Variants in TTLL9 observed in about 807,000 individuals in gnomAD.
TTLL9 encodes the protein tubulin tyrosine ligase like 9, also known as probable tubulin polyglutamylase TTLL9.
TTLL9 carries 47 observed loss-of-function variants against 65.6 expected under a neutral mutation model. The observed-to-expected ratio is 0.72, with a 90% confidence interval of 0.57 to 0.91. TTLL9 has a LOEUF of 0.91. TTLL9 is among the 40% of genes least tolerant of loss of function. The pLI, the probability that TTLL9 is intolerant of heterozygous loss-of-function variation, is 0.00. For missense variants in TTLL9, 537 were observed against 568.8 expected (o/e 0.94, Z 0.57); for synonymous variants, 179 against 204.8 (o/e 0.87, Z 1.07).
chr20:31,874,108 C>A (rs1429741878), intron 2 of TTLL9, among the ~76,000 whole-genome samples: 1 of 152,206 alleles, frequency 6.6e-6, no homozygotes, highest in African/African-American at 2.4e-5. Flanking sequence ...GTTATTAGAC[C>A]TAACATATTT....
chr20:31,910,338 C>T (rs1310768114), intron 6 of TTLL9, among the ~76,000 whole-genome samples: 1 of 152,226 alleles, frequency 6.6e-6, no homozygotes, highest in Non-Finnish European at 1.5e-5. Context: ...CAGGCACAGA[C>T]CTAGGTGCTG....
chr20:31,895,516 C>G (rs909277498), intron 3 of TTLL9, among the ~76,000 whole-genome samples: 1 of 152,200 alleles, frequency 6.6e-6, no homozygotes, highest in Non-Finnish European at 1.5e-5. Context: ...CATGACCTTT[C>G]CTGGCTCTGT....
chr20:31,921,766 T>C (rs921863761), intron 7 of TTLL9, among the ~76,000 whole-genome samples: 2 of 151,770 alleles, frequency 1.3e-5, no homozygotes, highest in Non-Finnish European at 2.9e-5. Context: ...AGGTGGGAAT[T>C]GAACAATGAG....
chr20:31,913,134 T>TG (rs11419872), intron 6 of TTLL9, among the ~76,000 whole-genome samples: 100,899 of 151,904 alleles, frequency 0.66, 34,223 homozygotes, highest in African/African-American at 0.79. Flanking sequence ...TACTCCAGCC[T>TG]GGTGACAGAG....
chr20:31,934,843 T>C lies in TTLL9; in HGVS notation c.959T>C (p.Phe320Ser). ...QKVIISDKHC[F>S]ELYGYDILID... Reference sequence around the variant, plus strand: ...GTGATCATCAGTGACAAGCACTGCTTCGAGCTGTACGGCTATGACATCCTC... The same window carrying C: ...GTGATCATCAGTGACAAGCACTGCTCCGAGCTGTACGGCTATGACATCCTC... Residue 320 changes from phenylalanine to serine, a missense_variant, in exon 12 of 15, where the codon TTC becomes TCC. Phe to Ser is a radical substitution (Grantham distance 155). This residue lies in a region of TTLL9 where 205 missense variants were observed against 225.9 expected (regional missense o/e 0.91). Transcript: ENST00000535842. The C allele has an allele frequency of 6.2e-7, 1 of 1,614,046 alleles. No homozygotes were observed. The highest frequency in any genetic ancestry group is 8.5e-7 in the Non-Finnish European group (1 of 1,180,000).
At position 31,943,142 on chromosome 20, in the gene TTLL9, T is replaced by C. The variant is rs1600639872; in HGVS notation, c.*121T>C. 15 of 941,414 alleles carry C rather than the reference T, an allele frequency of 1.6e-5. No individual in the cohort carries two copies. In the East Asian group the frequency reaches 3.7e-4, roughly 23 times the overall value. The allele number at this position is 941,414 out of a possible 1,614,324, so 58.3% of individuals were successfully genotyped here. The stretch of plus-strand genomic sequence containing the variant: ...CCCCACCTCCAGCCTGGCACCAGCT[T>C]TGCTGGCTTAGCAGCTGCAGCTTAC... On this transcript the variant is annotated 3_prime_UTR_variant, in exon 15 of 15. Transcript: ENST00000535842.
chr20:31,927,490 A>AAAAAAAAAAAAAAAAAAAAAAAG (rs2063927197), intron 10 of TTLL9, among the ~76,000 whole-genome samples: 1 of 151,300 alleles, frequency 6.6e-6, no homozygotes, highest in Non-Finnish European at 1.5e-5. Flanking sequence ...CAAAAAAAAA[A>AAAAAAAAAAAAAAAAAAAAAAAG]AAAAAAAAAA....
intron 10 of TTLL9, among the ~76,000 whole-genome samples, chr20:31,928,823 G>A (rs2063954846): frequency 6.6e-6 from 1 of 152,336 alleles, no homozygotes; most frequent in Non-Finnish European, 1.5e-5. Flanking sequence ...CTTTAAGGAA[G>A]AATGTTTATG....
At chr20:31,939,303 G>A (rs2064168991) in intron 14 of TTLL9, 37 bp downstream of exon 14, 1 of 1,609,994 alleles carries the variant, frequency 6.2e-7, no homozygotes, top group African/African-American at 1.3e-5. Context: ...CACAAGGGAT[G>A]GGGTCATGGG....
At chr20:31,913,782 T>C (rs963577916) in intron 6 of TTLL9, among the ~76,000 whole-genome samples, 1 of 152,218 alleles carries the variant, frequency 6.6e-6, no homozygotes, top group Non-Finnish European at 1.5e-5. Flanking sequence ...AAAAGTCCAG[T>C]GTAAACATTG....
At chr20:31,915,846 C>G (rs1355672707) in intron 6 of TTLL9, among the ~76,000 whole-genome samples, 2 of 151,956 alleles carry the variant, frequency 1.3e-5, no homozygotes, top group Non-Finnish European at 2.9e-5. Context: ...GCTGGTATTG[C>G]CATTGTTATG....
intron 12 of TTLL9, among the ~76,000 whole-genome samples, chr20:31,935,767 C>T (rs916715013): frequency 6.6e-6 from 1 of 152,230 alleles, no homozygotes; most frequent in Non-Finnish European, 1.5e-5. Flanking sequence ...GCCCTGGGGC[C>T]TGGGTAGTCA....
chr20:31,933,919 G>A (rs2064061991), intron 11 of TTLL9, 61 bp downstream of exon 11: 26 of 1,530,572 alleles, frequency 1.7e-5, no homozygotes, highest in Non-Finnish European at 2.2e-5. Flanking sequence ...TCGGGGTGGG[G>A]AGGGTGGAGT....
chr20:31,929,729 A>C (rs1406703977), intron 10 of TTLL9, among the ~76,000 whole-genome samples: 1 of 152,192 alleles, frequency 6.6e-6, no homozygotes, highest in Non-Finnish European at 1.5e-5. Flanking sequence ...ATATTTCTTC[A>C]TAAACCTTTT....
At chr20:31,873,842 AAGAAAGAAAG>A (rs1300329272) in intron 2 of TTLL9, among the ~76,000 whole-genome samples, 14 of 139,330 alleles carry the variant, frequency 1.0e-4, no homozygotes, top group African/African-American at 3.9e-4. Context: ...GAAAGAAAGA[AAGAAAGAAAG>A]AAAGAAAGAA....
intron 3 of TTLL9, among the ~76,000 whole-genome samples, chr20:31,889,976 T>TTCTC (rs1201463765): frequency 2.9e-5 from 1 of 34,548 alleles, no homozygotes; most frequent in Non-Finnish European, 5.2e-5. Context: ...ATCTCTCTCT[T>TTCTC]TCTTTCTTTC....
At chr20:31,890,154 C>CTTTCCTTCTTTCTTTCTTTCT (rs1555810160) in intron 3 of TTLL9, among the ~76,000 whole-genome samples, 2 of 13,578 alleles carry the variant, frequency 1.5e-4, no homozygotes, top group South Asian at 3.9e-3. Flanking sequence ...TCCTTCCTTC[C>CTTTCCTTCTTTCTTTCTTTCT]TTCTTTCTTT....
intron 2 of TTLL9, among the ~76,000 whole-genome samples, chr20:31,876,125 A>T (rs1165753767): frequency 1.3e-5 from 2 of 152,210 alleles, no homozygotes; most frequent in Admixed American, 6.5e-5. Flanking sequence ...AATCTGGATC[A>T]TTCTTATCAC....
chr20:31,898,113 A>C (rs2063412526), intron 3 of TTLL9, among the ~76,000 whole-genome samples: 1 of 152,160 alleles, frequency 6.6e-6, no homozygotes, highest in African/African-American at 2.4e-5. Context: ...CAGTTGTATC[A>C]GTAGGAGGAA....
Sources: gnomAD v4.1 joint callset for allele counts (sites outside exome capture counted in the v4.1 genomes callset) on GRCh38, gnomAD v4.1.1 for gene constraint, gnomAD v4.1.1 regional missense constraint, MANE v1.5 for transcripts, NCBI Gene and HGNC (gene_info 2026-07-23, HGNC 2026-07-21) for gene names.